MYH7B: variants seen among roughly 807,000 people sequenced by gnomAD.
MYH7B encodes the protein myosin-7B.
In MYH7B, 205 loss-of-function variants were observed where a neutral mutation model predicts 234.5. The observed-to-expected ratio is 0.87, with a 90% CI of 0.78 to 0.98. The LOEUF (loss-of-function observed/expected upper bound fraction) is 0.98, where lower values mean the gene tolerates loss of function less well. Among genes scored for constraint, MYH7B ranks in the 50% least tolerant of loss-of-function variants. The pLI is 0.00. For synonymous variants in MYH7B, 1,193 were observed against 1,105.0 expected, an observed-to-expected ratio of 1.08 and a Z score of -1.58; for missense variants, 2,652 against 2,633.4, an observed-to-expected ratio of 1.01 and a Z score of -0.15.
intron 19 of MYH7B, among the ~76,000 whole-genome samples, chr20:34,989,287 T>C (rs183703277): frequency 2.6e-5 from 4 of 152,354 alleles, no homozygotes; most frequent in Admixed American, 2.0e-4. Context: ...TTAAATATTA[T>C]GTCAGCACTG....
At chr20:34,956,666 T>G (rs1375302359) in intron 1 of MYH7B, among the ~76,000 whole-genome samples, 1 of 152,168 alleles carries the variant, frequency 6.6e-6, no homozygotes, top group Non-Finnish European at 1.5e-5. Context: ...TTTTGGGGTC[T>G]TGAAGGATGG....
In MYH7B at chr20:34,998,651, T is replaced by C. The variant is rs1337727247; in HGVS notation, c.3993+22T>C. The C allele has an allele frequency of 6.2e-6, 10 of 1,612,612 alleles. No homozygotes were observed. The African/African-American group carries it at 1.2e-4, about 19-fold the overall frequency. ...CAAGGTGGGCTGGCACCGGTGACCA[T>C]GGAGTGGGCAGGTGGGCACCAGAGC... On this transcript the variant is annotated intron_variant, in intron 34 of 44. Coordinates refer to ENST00000262873, the Ensembl canonical transcript of MYH7B.
At chr20:34,995,185 T>C in intron 27 of MYH7B, 151 bp from the exon 28 acceptor site, 1 of 753,268 alleles carries the variant, frequency 1.3e-6, no homozygotes. Context: ...TGCCCTTCCA[T>C]GCCCAAGAGC....
exon 25 of MYH7B, chr20:34,993,149 A>G: frequency 6.2e-7 from 1 of 1,613,906 alleles, no homozygotes. Flanking sequence ...ACCTTCATGG[A>G]CAGCAGGAAG....
chr20:34,997,304 C>G lies in MYH7B; in HGVS notation c.3411C>G (p.Ala1137=), dbSNP rs1323563683. The change falls in exon 32 of 45, where the codon GCC becomes GCG. Residue 1137 remains alanine, a synonymous_variant. Coordinates refer to ENST00000262873, the Ensembl canonical transcript of MYH7B. ...TGGAGGCAGAGCGGGCAGCCCGGGC[C>G]CGCGTGGAGAAGCAGCGTGCAGAGG... The G allele has an allele frequency of 4.5e-6, 7 of 1,553,582 alleles. No homozygotes were observed. The Admixed American group carries it at 9.8e-5, about 22-fold the overall frequency.
chr20:34,977,063 T>C (rs1184943552), intron 3 of MYH7B, among the ~76,000 whole-genome samples: 73 of 43,888 alleles, frequency 1.7e-3, no homozygotes, highest in Admixed American at 3.7e-3. Flanking sequence ...CCCTCCCCCC[T>C]CTCTCTCTCC....
chr20:34,968,854 T>TAA (rs59743808), intron 2 of MYH7B, among the ~76,000 whole-genome samples: 5,144 of 152,290 alleles, frequency 0.034, 289 homozygotes, highest in African/African-American at 0.12. Context: ...TTAATGCCCT[T>TAA]ACCTGGCAGG....
Position 34,999,351 on chromosome 20 carries a change from G to A in MYH7B, c.4486G>A (p.Glu1496Lys), listed in dbSNP as rs773406069. The change falls in exon 36 of 45, where the codon GAG (glutamate) becomes AAG (lysine). Residue 1496 changes from glutamate to lysine, a missense_variant. Transcript: ENST00000262873. ...GCTCTTCCGGCTGCGGCACGGCCAC[G>A]AGGAGGCACTTGAAGCCCTGGAGAC... 5.5e-5 allele frequency: 85 copies of A among 1,550,586 alleles called. 1 individual carries two copies. Among genetic ancestry groups the A allele is most frequent in the South Asian group, 4.8e-4 (39 of 81,742 alleles).
At chr20:34,977,823 C>A in intron 4 of MYH7B, 111 bp from the exon 5 acceptor site, 1 of 1,506,624 alleles carries the variant, frequency 6.6e-7, no homozygotes, top group South Asian at 1.2e-5. Context: ...GTATGCTGGG[C>A]ACTCACCCAA....
exon 36 of MYH7B, chr20:34,999,073 G>C: frequency 6.2e-7 from 1 of 1,610,830 alleles, no homozygotes; most frequent in Non-Finnish European, 8.5e-7. Context: ...CTGGCACTGC[G>C]GCTGCAGGAG....
At chr20:34,981,168 A>T in intron 9 of MYH7B, 108 bp downstream of exon 9, 1 of 1,388,396 alleles carries the variant, frequency 7.2e-7, no homozygotes, top group Non-Finnish European at 1.0e-6. Context: ...TTAGGCCAGG[A>T]CTTTTACCAC....
intron 28 of MYH7B, 118 bp from the exon 29 acceptor site, chr20:34,996,228 C>T (rs2082253194): frequency 8.2e-7 from 1 of 1,216,356 alleles, no homozygotes; most frequent in African/African-American, 1.5e-5. Context: ...GGCTCGGAGT[C>T]AAGTGACTTG....
intron 9 of MYH7B, 21 bp from the exon 10 acceptor site, chr20:34,982,438 C>T: frequency 6.2e-7 from 1 of 1,611,886 alleles, no homozygotes; most frequent in South Asian, 1.1e-5. Context: ...GCATTGGTGA[C>T]TCATGTTTGT....
At position 34,957,701 on chromosome 20, in the gene MYH7B, A is replaced by C. The variant is rs7268769; in HGVS notation, c.-336-397A>C. 4.0e-5 allele frequency among the ~76,000 whole-genome samples: 6 copies of C among 151,894 alleles called. No homozygotes were observed. The East Asian group carries it at 1.2e-3, about 29-fold the overall frequency. ...GACAGGGTTTCACCATGTTGGCCAGATTGGTCTGAAACTCTTGAGCTCAGG... is the reference window on the plus strand; with the variant it reads ...GACAGGGTTTCACCATGTTGGCCAGCTTGGTCTGAAACTCTTGAGCTCAGG... On this transcript the variant is annotated intron_variant, in intron 1 of 44. Coordinates refer to ENST00000262873, the Ensembl canonical transcript of MYH7B.
chr20:34,990,073 G>T, exon 21 of MYH7B: 1 of 1,614,184 alleles, frequency 6.2e-7, no homozygotes, highest in South Asian at 1.1e-5. Context: ...ATGAGACCGT[G>T]GTCCCCATCT....
intron 38 of MYH7B, 34 bp from the exon 39 acceptor site, chr20:35,000,259 C>T (rs1239299770): frequency 1.3e-5 from 20 of 1,539,242 alleles, no homozygotes; most frequent in African/African-American, 2.7e-5. Context: ...TATGCCCTTA[C>T]GAGACCCCCT....
At chr20:34,989,898 G>T in exon 20 of MYH7B, 1 of 1,614,154 alleles carries the variant, frequency 6.2e-7, no homozygotes, top group Non-Finnish European at 8.5e-7. Flanking sequence ...CCCACTTCGA[G>T]GTGGTCCACT....
chr20:34,985,096 TCTGGGAAG>T lies in MYH7B; in HGVS notation c.777_784del (p.Lys260IlefsTer5). 2 of 1,614,060 alleles carry T rather than the reference TCTGGGAAG, an allele frequency of 1.2e-6. No individual in the cohort carries two copies. The highest frequency in any genetic ancestry group is 1.7e-6 in the Non-Finnish European group (2 of 1,179,958). Reference sequence around the variant, plus strand: ...GTTCATCCGCATTCACTTTGGTCCCTCTGGGAAGCTGGCATCCGCGGATATTGACAGCT... The same window carrying T: ...GTTCATCCGCATTCACTTTGGTCCCTCTGGCATCCGCGGATATTGACAGCT... On this transcript the variant is annotated frameshift_variant, in exon 13 of 45. Transcript: ENST00000262873. LOFTEE classifies it high-confidence loss of function.
At chr20:34,974,823 A>T (rs911983235) in intron 2 of MYH7B, among the ~76,000 whole-genome samples, 2 of 152,172 alleles carry the variant, frequency 1.3e-5, no homozygotes, top group Non-Finnish European at 2.9e-5. Context: ...CTAGGTATTT[A>T]TTGACTTTCT....
Sources: gnomAD v4.1 joint callset for allele counts (sites outside exome capture counted in the v4.1 genomes callset) on GRCh38, gnomAD v4.1.1 for gene constraint, MANE v1.5 for transcripts, NCBI Gene and HGNC (gene_info 2026-07-23, HGNC 2026-07-21) for gene names.